The following SEC16B variants were observed in gnomAD, a reference collection of about 807,000 sequenced individuals.
SEC16B encodes the protein SEC16 homolog B, endoplasmic reticulum export factor.
Under a neutral mutation model 141.8 loss-of-function variants are expected in SEC16B, and 115 were observed. That is an observed-to-expected ratio of 0.81 (90% CI 0.70 to 0.95). SEC16B has a LOEUF of 0.95. Ranked by LOEUF, SEC16B falls within the 40% of genes least tolerant of loss-of-function variation. The probability of loss-of-function intolerance (pLI) is 0.00; values close to 1 mark genes in which losing one functional copy is unlikely to be tolerated. For synonymous variants in SEC16B, 493 were observed against 492.5 expected (o/e 1.00, Z -0.01); for missense variants, 1,291 against 1,312.3 (o/e 0.98, Z 0.25).
intron 12 of SEC16B, chr1:177,948,380 A>C: frequency 7.7e-7 from 1 of 1,305,024 alleles, no homozygotes; most frequent in Non-Finnish European, 1.0e-6. Context: ...GGGCCTGCTT[A>C]ATGTCTTACC....
intron 6 of SEC16B, chr1:177,961,247 C>A (rs1218187470): frequency 1.2e-5 from 5 of 432,790 alleles, no homozygotes; most frequent in Non-Finnish European, 2.0e-5. Context: ...ATACTCATGA[C>A]AAAGTTCCTA....
At chr1:177,949,191 G>A (rs947260460) in intron 12 of SEC16B, among the ~76,000 whole-genome samples, 3 of 152,036 alleles carry the variant, frequency 2.0e-5, no homozygotes, top group African/African-American at 7.2e-5. Context: ...AACAATAATG[G>A]TGATGATAAA....
At position 177,983,891 on chromosome 1, in the gene SEC16B, C is replaced by A. The variant is rs531377274; in HGVS notation, c.-59+315G>T. ...TTTTAGTAAGTTGAAATCACGTGTT[C>A]TTTTGCACATTAACAATCCATTCCA... is the stretch of plus-strand genomic sequence containing the variant. On this transcript the variant is annotated intron_variant and NMD_transcript_variant, in intron 1 of 24. Transcript: ENST00000528461. Among the ~76,000 whole-genome samples the A allele has an allele frequency of 5.3e-5, 8 of 152,312 alleles. No individual in the cohort carries two copies. In the South Asian group the frequency reaches 1.0e-3, roughly 20 times the overall value.
chr1:177,982,762 C>A (rs947114658), intron 1 of SEC16B, among the ~76,000 whole-genome samples: 2 of 152,128 alleles, frequency 1.3e-5, no homozygotes, highest in African/African-American at 4.8e-5. Context: ...TATTTCAAAC[C>A]TTAAGCCTAT....
chr1:177,966,437 A>G (rs1443252590), intron 2 of SEC16B, among the ~76,000 whole-genome samples: 1 of 152,324 alleles, frequency 6.6e-6, no homozygotes, highest in East Asian at 1.9e-4. Flanking sequence ...TTGAGATTTA[A>G]AAGTCAAACT....
At chr1:177,937,161 C>T in intron 19 of SEC16B, 53 bp downstream of exon 19, 3 of 1,533,420 alleles carry the variant, frequency 2.0e-6, no homozygotes, top group Non-Finnish European at 1.8e-6. Flanking sequence ...TTCCTGCTTC[C>T]TCCCCACCCA....
At chr1:177,980,767 AAAAG>A (rs893882246) in intron 1 of SEC16B, among the ~76,000 whole-genome samples, 18 of 144,428 alleles carry the variant, frequency 1.2e-4, no homozygotes, top group African/African-American at 3.4e-4. Context: ...GCGAAAAAAA[AAAAG>A]AAAGAAAGAA....
At chr1:177,958,488 G>T (rs1435619729) in intron 9 of SEC16B, 126 bp from the exon 10 acceptor site, 5 of 702,232 alleles carry the variant, frequency 7.1e-6, no homozygotes, top group Non-Finnish European at 9.2e-6. Context: ...CAAACATAAG[G>T]CAGTCCTTTG....
intron 17 of SEC16B, 144 bp from the exon 18 acceptor site, chr1:177,939,921 TG>T: frequency 7.3e-6 from 5 of 687,120 alleles, no homozygotes; most frequent in East Asian, 2.7e-5. Context: ...CTTAGGGGCC[TG>T]GGGGGTCACG....
chr1:177,936,373 A>T lies in SEC16B; in HGVS notation c.2504-8T>A. On this transcript the variant is annotated splice_polypyrimidine_tract_variant and splice_region_variant and intron_variant, in intron 19 of 25. Transcript: ENST00000308284. ...GAGACACTGTGTTCTCTCCTGCATC[A>T]CAAACAGAAATGGAAATAGCAATTG... 6.2e-7 allele frequency: 1 copy of T among 1,604,184 alleles called. No homozygotes were observed. Among genetic ancestry groups the T allele is most frequent in the Non-Finnish European group, 8.5e-7 (1 of 1,174,696 alleles).
At chr1:177,954,200 T>C in intron 11 of SEC16B, 79 bp downstream of exon 11, 1 of 1,064,648 alleles carries the variant, frequency 9.4e-7, no homozygotes, top group Non-Finnish European at 1.4e-6. Flanking sequence ...CGTCTGACAT[T>C]TCTCCACACC....
At chr1:177,977,413 C>T (rs1654212058) in intron 1 of SEC16B, among the ~76,000 whole-genome samples, 1 of 152,220 alleles carries the variant, frequency 6.6e-6, no homozygotes, top group South Asian at 2.1e-4. Flanking sequence ...ACTTCAACTA[C>T]TCTCTATTGC....
rs562910554 is a variant in SEC16B, at chr1:177,946,434, C to T, written c.1761G>A (p.Leu587=). 30 of 1,570,096 alleles carry T rather than the reference C, an allele frequency of 1.9e-5. No homozygotes were observed. The East Asian group carries it at 3.8e-4, about 20-fold the overall frequency. The change falls in exon 14 of 26, where the codon CTG becomes CTA. Residue 587 remains leucine, a synonymous_variant. Coordinates refer to ENST00000308284, the MANE Select transcript of SEC16B (RefSeq NM_033127.4). ...YTVKTDHLVL[L]GSSHSQEFLK... ...AGGTCGCATACCTGTGGCTGCTGCC[C>T]AGCAAGACCAGATGGTCTGTCTTCA...
At chr1:177,983,467 C>T (rs940335767) in intron 1 of SEC16B, among the ~76,000 whole-genome samples, 5 of 151,720 alleles carry the variant, frequency 3.3e-5, no homozygotes, top group South Asian at 2.1e-4. Context: ...CAGGTTAAGC[C>T]GCTGTTGGTC....
At chr1:177,966,775 A>C (rs547192491) in intron 2 of SEC16B, among the ~76,000 whole-genome samples, 1 of 152,178 alleles carries the variant, frequency 6.6e-6, no homozygotes, top group African/African-American at 2.4e-5. Context: ...GGGTTTCACC[A>C]TGTTGACCAG....
upstream of SEC16B, among the ~76,000 whole-genome samples, chr1:177,973,909 G>T (rs554600154): frequency 1.3e-5 from 2 of 152,226 alleles, no homozygotes; most frequent in African/African-American, 4.8e-5. Context: ...TAGGTGTGCT[G>T]TTCAAGGCTA....
intron 18 of SEC16B, among the ~76,000 whole-genome samples, chr1:177,937,741 C>G (rs1483669513): frequency 6.6e-6 from 1 of 152,066 alleles, no homozygotes; most frequent in Non-Finnish European, 1.5e-5. Flanking sequence ...CTAGTGTACC[C>G]TAAAAATAAA....
chr1:177,953,067 G>A (rs1339572263), intron 11 of SEC16B, among the ~76,000 whole-genome samples: 9 of 143,904 alleles, frequency 6.3e-5, no homozygotes, highest in Admixed American at 5.9e-4. Flanking sequence ...GTGCAACGAT[G>A]TGATCTCTGC....
At chr1:177,955,719 T>G (rs1663934033) in intron 10 of SEC16B, among the ~76,000 whole-genome samples, 1 of 152,234 alleles carries the variant, frequency 6.6e-6, no homozygotes, top group African/African-American at 2.4e-5. Context: ...ACAGGCACTC[T>G]TTTGCATTGC....
Sources: allele counts gnomAD v4.1 joint callset (sites outside exome capture counted in the v4.1 genomes callset), GRCh38; gene constraint gnomAD v4.1.1; transcripts MANE v1.5; gene names NCBI Gene and HGNC (gene_info 2026-07-23, HGNC 2026-07-21).